The following DNAH17 variants were observed in gnomAD, a reference collection of about 807,000 sequenced individuals.
DNAH17 encodes dynein axonemal heavy chain 17, also known as axonemal beta dynein heavy chain 17.
A neutral mutation model predicts 485.6 loss-of-function variants in DNAH17; 376 were observed. The ratio of observed to expected loss-of-function variants is 0.77; its 90% CI spans 0.71 to 0.84. The LOEUF is 0.84. Among genes scored for constraint, DNAH17 ranks in the 40% least tolerant of loss-of-function variants. The pLI is 0.00. For synonymous variants in DNAH17, 3,031 were observed against 2,405.9 expected, an observed-to-expected ratio of 1.26 and a Z score of -7.60; for missense variants, 6,370 against 5,839.3, an observed-to-expected ratio of 1.09 and a Z score of -2.96.
At chr17:78,450,886 C>G (rs866398600) in intron 66 of DNAH17, 40 bp from the exon 67 acceptor site, 1 of 1,604,788 alleles carries the variant, frequency 6.2e-7, no homozygotes. Flanking sequence ...TTGCCTGGCT[C>G]TGTCCACCGG....
In DNAH17 at chr17:78,505,285, ACACT is replaced by A. The variant is rs1263765224; in HGVS notation, c.4956+4_4956+7del. On this transcript the variant is annotated splice_donor_5th_base_variant and intron_variant, in intron 31 of 80. Transcript: ENST00000389840. ...TGGGTTCCCTGTGTGGTGTGCGCAC[ACACT>A]CACCTGCCCCGAGAGGTCGCATTCC... 1.2e-6 allele frequency: 2 copies of A among 1,613,822 alleles called. No individual in the cohort carries two copies. Among genetic ancestry groups the A allele is most frequent in the Non-Finnish European group, 1.7e-6 (2 of 1,179,816 alleles).
intron 58 of DNAH17, among the ~76,000 whole-genome samples, chr17:78,461,050 G>C (rs1054180627): frequency 6.6e-6 from 1 of 151,944 alleles, no homozygotes; most frequent in Non-Finnish European, 1.5e-5. Context: ...CCGCTAAGCC[G>C]TGGTTCTCAA....
chr17:78,455,624 G>A lies in DNAH17; in HGVS notation c.10170+20C>T, dbSNP rs926890220. 1.3e-6 allele frequency: 2 copies of A among 1,518,958 alleles called. No individual in the cohort carries two copies. The highest frequency in any genetic ancestry group is 2.1e-5 in the Admixed American group (1 of 47,504). The allele number at this position is 1,518,958 out of a possible 1,614,324, so 94.1% of individuals were successfully genotyped here. ...TTACAGGCGTGAGCCACCGCGCCTGGCCAGGACTCCACTCCTTACCTTTAA... is the reference window on the plus strand; with the variant it reads ...TTACAGGCGTGAGCCACCGCGCCTGACCAGGACTCCACTCCTTACCTTTAA... On this transcript the variant is annotated intron_variant, in intron 63 of 80. Coordinates refer to ENST00000389840, the MANE Select transcript of DNAH17 (RefSeq NM_173628.4).
Position 78,466,724 on chromosome 17 carries a change from G to A in DNAH17, c.8871C>T (p.Phe2957=). 6.2e-7 allele frequency: 1 copy of A among 1,612,980 alleles called. No homozygotes were observed. The highest frequency in any genetic ancestry group is 8.5e-7 in the Non-Finnish European group (1 of 1,179,610). Residue 2957 remains phenylalanine (F), a synonymous_variant, in exon 56 of 81, where the codon TTC becomes TTT. Transcript: ENST00000389840. The part of the protein sequence containing the change: ...AVVNCTAIDW[F]HEWPEDALVS... ...CCAGCGCATCTTCCGGCCACTCGTGGAACCAGTCGATGGCCGTGCAGTTGA... is the reference window on the plus strand; with the variant it reads ...CCAGCGCATCTTCCGGCCACTCGTGAAACCAGTCGATGGCCGTGCAGTTGA...
rs764182753 is a variant in DNAH17, at chr17:78,475,767, C to T, written c.8221G>A (p.Asp2741Asn). The T allele has an allele frequency of 2.0e-5, 32 of 1,613,724 alleles. No individual in the cohort carries two copies. The African/African-American group carries it at 3.3e-4, about 17-fold the overall frequency. The change falls in exon 53 of 81, where the codon GAT (aspartate) becomes AAT (asparagine). Residue 2741 changes from aspartate to asparagine, a missense_variant. Asp to Asn is a conservative substitution (Grantham distance 23, BLOSUM62 1). Coordinates refer to ENST00000389840, the MANE Select transcript of DNAH17 (RefSeq NM_173628.4). Reference protein sequence around the residue: ...IFCHFAQGIGDPKYVPVTDMA... With the variant: ...IFCHFAQGIGNPKYVPVTDMA... Reference sequence around the variant, plus strand: ...TCGGTTACAGGAACATATTTGGGATCGCCAATCCCTTGAGCAAAGTGGCAG... The same window carrying T: ...TCGGTTACAGGAACATATTTGGGATTGCCAATCCCTTGAGCAAAGTGGCAG...
In DNAH17 at chr17:78,571,033, C is replaced by G. The variant is rs2143729712; in HGVS notation, c.833G>C (p.Gly278Ala). ...CACGATGTCGTTGGCTTCCTTCAGC[C>G]CTGCACGGAACAAGAACAAGTGCCC... ...LQNVYTNVTEGLKEANDIVLY... is the reference protein window; with the variant it reads ...LQNVYTNVTEALKEANDIVLY... The change falls in exon 6 of 81, where the codon GGG (glycine) becomes GCG (alanine). Residue 278 changes from glycine to alanine, a missense_variant and splice_region_variant. Coordinates refer to ENST00000389840, the MANE Select transcript of DNAH17 (RefSeq NM_173628.4). 1.3e-6 allele frequency: 2 copies of G among 1,568,202 alleles called. No homozygotes were observed. The highest frequency in any genetic ancestry group is 1.4e-5 in the African/African-American group (1 of 73,852).
At position 78,460,191 on chromosome 17, in the gene DNAH17, C is replaced by T; in HGVS notation, c.9406G>A (p.Ala3136Thr). ...TTCAGAGTGTCCAGAGCCTCCTGGG[C>T]TGCCAGCAGGGCCGGTTCTGCTTTG... is the stretch of plus-strand genomic sequence containing the variant. The part of the protein sequence containing the change: ...LAKAEPALLA[A>T]QEALDTLNKN... Residue 3136 changes from alanine (A) to threonine (T), a missense_variant, in exon 59 of 81, where the codon GCC becomes ACC. Coordinates refer to ENST00000389840, the MANE Select transcript of DNAH17 (RefSeq NM_173628.4). The T allele has an allele frequency of 6.2e-7, 1 of 1,609,004 alleles. No homozygotes were observed. The highest frequency in any genetic ancestry group is 8.5e-7 in the Non-Finnish European group (1 of 1,177,360).
chr17:78,558,179 G>C lies in DNAH17; in HGVS notation c.2107C>G (p.Leu703Val), dbSNP rs2092069485. ...CGGAAAGTTTCGTTCTCTGAGAACA[G>C]ACTCTCCGCACTGTCTGGAATCTCT... ...QKEIPDSAES[L>V]FSENETFRKF... Residue 703 changes from leucine to valine, a missense_variant, in exon 14 of 81, where the codon CTG (leucine) becomes GTG (valine). Coordinates refer to ENST00000389840, the MANE Select transcript of DNAH17 (RefSeq NM_173628.4). 1 of 1,613,734 alleles carries C rather than the reference G, an allele frequency of 6.2e-7. No homozygotes were observed. Among genetic ancestry groups the C allele is most frequent in the African/African-American group, 1.3e-5 (1 of 74,938 alleles).
chr17:78,485,829 A>G, intron 46 of DNAH17, 72 bp from the exon 47 acceptor site: 1 of 1,578,850 alleles, frequency 6.3e-7, no homozygotes, highest in Non-Finnish European at 8.7e-7. Flanking sequence ...TGTGCAGGCC[A>G]TGTTCTACCG....
chr17:78,428,300 T>A, intron 77 of DNAH17: 1 of 592,036 alleles, frequency 1.7e-6, no homozygotes, highest in Non-Finnish European at 3.0e-6. Flanking sequence ...GGATCCCTTT[T>A]GTCTGGGCCC....
At chr17:78,491,373 C>T (rs370601084) in intron 43 of DNAH17, 70 bp downstream of exon 43, 79 of 1,560,086 alleles carry the variant, frequency 5.1e-5, no homozygotes, top group African/African-American at 4.6e-4. Flanking sequence ...GCTCCGTAGG[C>T]GCCTCCCTGT....
intron 26 of DNAH17, among the ~76,000 whole-genome samples, chr17:78,514,517 A>T (rs201653120): frequency 1.3e-5 from 2 of 149,486 alleles, no homozygotes; most frequent in African/African-American, 4.9e-5. Flanking sequence ...AAAAAAAAAA[A>T]AAAAAGAAAA....
Position 78,485,701 on chromosome 17 carries a change from G to T in DNAH17, c.7332C>A (p.Leu2444=). ...TIRIRYFMDL[L]MEKSWPVMLV... is the part of the protein sequence containing the mutation. ...GCATCACCGGCCAGGACTTCTCCAT[G>T]AGCAGGTCCATGAAGTAGCGGATGC... The change falls in exon 47 of 81, where the codon CTC becomes CTA. Residue 2444 remains leucine (L), a synonymous_variant. Coordinates refer to ENST00000389840, the MANE Select transcript of DNAH17 (RefSeq NM_173628.4). 3 of 1,613,970 alleles carry T rather than the reference G, an allele frequency of 1.9e-6. No individual in the cohort carries two copies. The highest frequency in any genetic ancestry group is 2.5e-6 in the Non-Finnish European group (3 of 1,179,908).
chr17:78,505,362 C>T lies in DNAH17; in HGVS notation c.4887G>A (p.Val1629=), dbSNP rs372973949. ...RLDASDKPLK[V]GLGMYSKEDE... ...CCTCCTTGCTGTACATTCCCAGGCC[C>T]ACCTTGAGAGGTTTGTCACTGGCAT... Residue 1629 remains valine, a synonymous_variant, in exon 31 of 81, where the codon GTG becomes GTA. Coordinates refer to ENST00000389840, the MANE Select transcript of DNAH17 (RefSeq NM_173628.4). 7 of 1,613,992 alleles carry T rather than the reference C, an allele frequency of 4.3e-6. No individual in the cohort carries two copies. The African/African-American group carries it at 8.0e-5, about 18-fold the overall frequency.
At chr17:78,537,036 G>C (rs1284722420) in intron 19 of DNAH17, among the ~76,000 whole-genome samples, 3 of 151,880 alleles carry the variant, frequency 2.0e-5, no homozygotes, top group Non-Finnish European at 4.4e-5. Flanking sequence ...AAATTAGCCG[G>C]GTGTGGTGGC....
chr17:78,530,779 G>A (rs2091213421), intron 20 of DNAH17, among the ~76,000 whole-genome samples: 1 of 152,206 alleles, frequency 6.6e-6, no homozygotes, highest in Admixed American at 6.5e-5. Flanking sequence ...GACTTCTGAA[G>A]CTGGGTAGGA....
Position 78,475,429 on chromosome 17 carries a change from T to C in DNAH17, c.8360A>G (p.Asn2787Ser). 2.5e-6 allele frequency: 4 copies of C among 1,613,800 alleles called. No individual in the cohort carries two copies. Among genetic ancestry groups the C allele is most frequent in the South Asian group, 1.1e-5 (1 of 91,064 alleles). The change falls in exon 54 of 81, where the codon AAT (asparagine) becomes AGT (serine). Residue 2787 changes from asparagine (N) to serine (S), a missense_variant. Coordinates refer to ENST00000389840, the MANE Select transcript of DNAH17 (RefSeq NM_173628.4). ...EDAVAHICRI[N>S]RILESPRGNA... is the part of the protein sequence containing the mutation. The stretch of plus-strand genomic sequence containing the variant: ...CCCCCGGGGAGACTCCAGGATGCGA[T>C]TAATCCTGCAGATGTGAGCCACGGC...
chr17:78,468,032 A>AAAG (rs1555662491), intron 55 of DNAH17, among the ~76,000 whole-genome samples: 11 of 134,962 alleles, frequency 8.2e-5, no homozygotes, highest in Non-Finnish European at 1.1e-4. Context: ...AAAAAAAAAA[A>AAAG]AGAGAGAGAG....
chr17:78,516,854 T>A (rs193272753), intron 25 of DNAH17, among the ~76,000 whole-genome samples: 4 of 152,288 alleles, frequency 2.6e-5, no homozygotes, highest in Admixed American at 2.0e-4. Context: ...ATATGTAGAC[T>A]TGGTATGGTC....
Sources: gnomAD v4.1 joint callset for allele counts (sites outside exome capture counted in the v4.1 genomes callset) on GRCh38, gnomAD v4.1.1 for gene constraint, MANE v1.5 for transcripts, NCBI Gene and HGNC (gene_info 2026-07-23, HGNC 2026-07-21) for gene names.